Variants in CMTM6 observed in about 807,000 individuals in gnomAD.
CMTM6 encodes the protein CKLF like MARVEL transmembrane domain containing 6.
In CMTM6, 5 loss-of-function variants were observed where a neutral mutation model predicts 13.6. That is an observed-to-expected ratio of 0.37 (90% CI 0.19 to 0.77). The LOEUF (loss-of-function observed/expected upper bound fraction) is 0.77, where lower values mean the gene tolerates loss of function less well. Ranked by LOEUF, CMTM6 falls within the 30% of genes least tolerant of loss-of-function variation. CMTM6 has a pLI of 0.50. For missense variants in CMTM6, 196 were observed against 218.6 expected (o/e 0.90, Z 0.65); for synonymous variants, 99 against 84.5 (o/e 1.17, Z -0.94).
intron 3 of CMTM6, among the ~76,000 whole-genome samples, chr3:32,486,014 A>T (rs1697200461): frequency 6.6e-6 from 1 of 152,162 alleles, no homozygotes; most frequent in African/African-American, 2.4e-5. Context: ...AGTAGCTGGG[A>T]CTACAGGCGC....
chr3:32,496,782 A>G (rs1434217144), intron 1 of CMTM6, among the ~76,000 whole-genome samples: 1 of 152,198 alleles, frequency 6.6e-6, no homozygotes. Context: ...GAGGATGAAA[A>G]AGAACATATT....
chr3:32,501,029 C>A (rs1313103961), intron 1 of CMTM6, among the ~76,000 whole-genome samples: 1 of 134,414 alleles, frequency 7.4e-6, no homozygotes, highest in Non-Finnish European at 1.6e-5. Flanking sequence ...AACCCCGTCT[C>A]TACCAAAAAA....
At position 32,499,956 on chromosome 3, in the gene CMTM6, C is replaced by A. The variant is rs143755883; in HGVS notation, c.138+2652G>T. 5.7e-3 allele frequency among the ~76,000 whole-genome samples: 860 copies of A among 150,536 alleles called. 10 individuals are homozygous for A. The highest frequency in any genetic ancestry group is 0.02 in the African/African-American group (811 of 41,048). On this transcript the variant is annotated intron_variant, in intron 1 of 3. Transcript: ENST00000205636. Reference sequence around the variant, plus strand: ...GAACCTCAGAGGTAATTCAATTCAACCTCCGAAGACTCTAATGTAAGAATT... The same window carrying A: ...GAACCTCAGAGGTAATTCAATTCAAACTCCGAAGACTCTAATGTAAGAATT...
intron 1 of CMTM6, among the ~76,000 whole-genome samples, chr3:32,496,664 A>T (rs907430569): frequency 2.0e-5 from 3 of 152,360 alleles, no homozygotes; most frequent in South Asian, 4.1e-4. Context: ...GAAAATCTCA[A>T]GAAAATGTTC....
intron 1 of CMTM6, among the ~76,000 whole-genome samples, chr3:32,496,903 T>C (rs988994843): frequency 2.0e-5 from 3 of 152,114 alleles, no homozygotes; most frequent in Non-Finnish European, 2.9e-5. Context: ...GGTTGTGTGA[T>C]GATCATGCAA....
chr3:32,501,117 G>A (rs1396765536), intron 1 of CMTM6, among the ~76,000 whole-genome samples: 1 of 150,074 alleles, frequency 6.7e-6, no homozygotes, highest in Non-Finnish European at 1.5e-5. Flanking sequence ...CTGAACCCGG[G>A]AGGCGGAGGT....
At chr3:32,486,114 G>C (rs1214565347) in intron 3 of CMTM6, among the ~76,000 whole-genome samples, 1 of 152,196 alleles carries the variant, frequency 6.6e-6, no homozygotes, top group East Asian at 1.9e-4. Context: ...CTGACCTCCT[G>C]ATCCGCCCGC....
At chr3:32,491,687 G>A in intron 2 of CMTM6, 23 bp downstream of exon 2, 1 of 1,564,328 alleles carries the variant, frequency 6.4e-7, no homozygotes, top group South Asian at 1.2e-5. Flanking sequence ...ATTAATACAG[G>A]GATGATATTT....
At chr3:32,494,970 A>AT (rs894231728) in intron 1 of CMTM6, among the ~76,000 whole-genome samples, 1 of 151,588 alleles carries the variant, frequency 6.6e-6, no homozygotes, top group Admixed American at 6.6e-5. Context: ...ATTACATAGA[A>AT]TTACACACAC....
At chr3:32,498,975 T>C (rs759169101) in intron 1 of CMTM6, among the ~76,000 whole-genome samples, 5 of 152,192 alleles carry the variant, frequency 3.3e-5, no homozygotes, top group Non-Finnish European at 7.3e-5. Flanking sequence ...ACTACTTATA[T>C]TTTATAAAAA....
rs1697159969 is a variant in CMTM6, at chr3:32,482,115, A to C, written c.*1845T>G. 6.6e-6 allele frequency: 1 copy of C among 152,212 alleles called. No individual in the cohort carries two copies. Among genetic ancestry groups the C allele is most frequent in the Non-Finnish European group, 1.5e-5 (1 of 68,028 alleles). 9.4% of individuals were successfully genotyped at this position (152,212 alleles called of 1,614,324 possible). On this transcript the variant is annotated 3_prime_UTR_variant, in exon 4 of 4. Transcript: ENST00000205636. Reference sequence around the variant, plus strand: ...AGTCCTTATTCATAATTAGACCCAAAACCCAGCTATTTCTCCTCTCTTAGA... The same window carrying C: ...AGTCCTTATTCATAATTAGACCCAACACCCAGCTATTTCTCCTCTCTTAGA...
chr3:32,494,985 A>C (rs1327761234), intron 1 of CMTM6, among the ~76,000 whole-genome samples: 1 of 151,814 alleles, frequency 6.6e-6, no homozygotes, highest in Non-Finnish European at 1.5e-5. Flanking sequence ...ACACACATGC[A>C]CATACAAATG....
intron 1 of CMTM6, among the ~76,000 whole-genome samples, chr3:32,493,406 G>A (rs1005623238): frequency 2.0e-5 from 3 of 152,200 alleles, no homozygotes; most frequent in Non-Finnish European, 4.4e-5. Context: ...ACTGAAAAAA[G>A]AGTCAGGTTT....
chr3:32,483,861 T>G lies in CMTM6; in HGVS notation c.*99A>C. 8.4e-7 allele frequency: 1 copy of G among 1,183,756 alleles called. No homozygotes were observed. The highest frequency in any genetic ancestry group is 2.9e-5 in the South Asian group (1 of 35,014). 73.3% of individuals were successfully genotyped at this position (1,183,756 alleles called of 1,614,324 possible). A position where few individuals can be genotyped will look rare whatever the true frequency, so the allele number is the denominator to read the frequency against. On this transcript the variant is annotated 3_prime_UTR_variant, in exon 4 of 4. Coordinates refer to ENST00000205636, the MANE Select transcript of CMTM6 (RefSeq NM_017801.3). ...CCTTCCCCTTGCTCTCCAAAAGAAG[T>G]GGTTTAAACAATTAACAAATTTTAC...
rs984793756 is a variant in CMTM6 at position 32,482,753 on chromosome 3, A to T, written c.*1207T>A. On this transcript the variant is annotated 3_prime_UTR_variant, in exon 4 of 4. Coordinates refer to ENST00000205636, the MANE Select transcript of CMTM6 (RefSeq NM_017801.3). ...TTTTTTTTTGCCAAAGACAAACTAGAGCAATGCCTATGTAAGAACAAGGAC... is the reference window on the plus strand; with the variant it reads ...TTTTTTTTTGCCAAAGACAAACTAGTGCAATGCCTATGTAAGAACAAGGAC... 6.9e-6 allele frequency: 1 copy of T among 144,002 alleles called. No homozygotes were observed. The highest frequency in any genetic ancestry group is 2.6e-5 in the African/African-American group (1 of 37,972). 8.9% of individuals were successfully genotyped at this position (144,002 alleles called of 1,614,324 possible).
rs780681502 is a variant in CMTM6 at position 32,502,695 on chromosome 3, G to A, written c.51C>T (p.Pro17=). ...CGAGGCCGCTCCGGGGGCCTCTGGCGGGGCCCGGGTCCTCCTCCGTAGTGG... is the reference window on the plus strand; with the variant it reads ...CGAGGCCGCTCCGGGGGCCTCTGGCAGGGCCCGGGTCCTCCTCCGTAGTGG... ...YSPTTEEDPG[P]ARGPRSGLAA... The change falls in exon 1 of 4, where the codon CCC becomes CCT. Residue 17 remains proline, a synonymous_variant. Transcript: ENST00000205636. 2 of 1,585,586 alleles carry A rather than the reference G, an allele frequency of 1.3e-6. No individual in the cohort carries two copies. The highest frequency in any genetic ancestry group is 8.6e-7 in the Non-Finnish European group (1 of 1,168,388).
chr3:32,497,175 AGATC>A (rs1697300349), intron 1 of CMTM6, among the ~76,000 whole-genome samples: 2 of 151,920 alleles, frequency 1.3e-5, no homozygotes, highest in East Asian at 1.9e-4. Flanking sequence ...CGAGGTCAGG[AGATC>A]AAGACCATCC....
At chr3:32,489,268 T>TG (rs1308951408) in intron 2 of CMTM6, among the ~76,000 whole-genome samples, 1 of 44,322 alleles carries the variant, frequency 2.3e-5, no homozygotes, top group Non-Finnish European at 4.1e-5. Flanking sequence ...AGACTCCATC[T>TG]CAAAAAAAAA....
Position 32,481,503 on chromosome 3 carries a change from CTCTTA to C in CMTM6, c.*2452_*2456del, listed in dbSNP as rs1198924863. 7 of 152,120 alleles carry C rather than the reference CTCTTA, an allele frequency of 4.6e-5. No homozygotes were observed. Among genetic ancestry groups the C allele is most frequent in the African/African-American group, 9.6e-5 (4 of 41,454 alleles). 9.4% of individuals were successfully genotyped at this position (152,120 alleles called of 1,614,324 possible). Reference sequence around the variant, plus strand: ...AAATTTTTGTACTGTGAGTTCATTTCTCTTATAATTCTTGAGAACCATTCTAAGCA... The same window carrying C: ...AAATTTTTGTACTGTGAGTTCATTTCTAATTCTTGAGAACCATTCTAAGCA... On this transcript the variant is annotated 3_prime_UTR_variant, in exon 4 of 4. Transcript: ENST00000205636.
Sources: gnomAD v4.1 joint callset for allele counts (sites outside exome capture counted in the v4.1 genomes callset) on GRCh38, gnomAD v4.1.1 for gene constraint, MANE v1.5 for transcripts, NCBI Gene and HGNC (gene_info 2026-07-23, HGNC 2026-07-21) for gene names.